KCNT1: variants seen among roughly 807,000 people sequenced by gnomAD.
KCNT1 encodes potassium channel subfamily T member 1.
Under a neutral mutation model 147.8 loss-of-function variants are expected in KCNT1, and 78 were observed. The ratio of observed to expected loss-of-function variants is 0.53; its 90% CI spans 0.44 to 0.64. The LOEUF is 0.64. KCNT1 is among the 30% of genes least tolerant of loss of function. The pLI, the probability that KCNT1 is intolerant of heterozygous loss-of-function variation, is 0.00. For synonymous variants in KCNT1, 867 were observed against 748.8 expected, an observed-to-expected ratio of 1.16 and a Z score of -2.58; for missense variants, 1,419 against 1,750.3, an observed-to-expected ratio of 0.81 and a Z score of 3.38.
intron 13 of KCNT1, among the ~76,000 whole-genome samples, chr9:135,768,275 G>C (rs1318724189): frequency 2.9e-5 from 2 of 68,244 alleles, no homozygotes; most frequent in South Asian, 1.3e-3. Flanking sequence ...ATACCGGTGG[G>C]GGGGGCACAG....
chr9:135,763,554 G>A (rs1443864712), intron 11 of KCNT1, among the ~76,000 whole-genome samples: 1 of 152,132 alleles, frequency 6.6e-6, no homozygotes, highest in Non-Finnish European at 1.5e-5. Flanking sequence ...AGGCCGCTTT[G>A]GGGGAGATTG....
intron 1 of KCNT1, among the ~76,000 whole-genome samples, chr9:135,710,427 C>T (rs920292322): frequency 6.6e-6 from 1 of 152,196 alleles, no homozygotes; most frequent in Non-Finnish European, 1.5e-5. Context: ...TGAAGTTCTC[C>T]GGCCTCCATT....
intron 29 of KCNT1, among the ~76,000 whole-genome samples, chr9:135,788,359 C>T (rs987694135): frequency 1.3e-5 from 2 of 152,254 alleles, no homozygotes; most frequent in African/African-American, 4.8e-5. Context: ...GCGTTGAGGA[C>T]GGGCCTGAGG....
intron 19 of KCNT1, among the ~76,000 whole-genome samples, chr9:135,775,007 T>C (rs1489218510): frequency 6.6e-6 from 1 of 152,120 alleles, no homozygotes; most frequent in Non-Finnish European, 1.5e-5. Context: ...GTCCTTAAGG[T>C]TCGGCACCTG....
intron 2 of KCNT1, among the ~76,000 whole-genome samples, chr9:135,733,326 C>G (rs1271177635): frequency 8.9e-6 from 1 of 112,382 alleles, no homozygotes; most frequent in African/African-American, 3.6e-5. Context: ...GCCAGCACAC[C>G]TGCCCCCACA....
At position 135,771,001 on chromosome 9, in the gene KCNT1, G is replaced by C. The variant is rs1056279495; in HGVS notation, c.1914G>C (p.Lys638Asn). The change falls in exon 18 of 31, where the codon AAG becomes AAC. Residue 638 changes from lysine to asparagine, a missense_variant. By Grantham distance (94) the Lys-to-Asn change is moderately conservative. Transcript: ENST00000371757. ...TKEENSAFIF[K>N]QEEKRKKRAF... ...AGGAGAACTCGGCCTTCATCTTCAA[G>C]CAGGAGGAGAAGCGGAAGAAGAGGG... 6.2e-7 allele frequency: 1 copy of C among 1,613,778 alleles called. No homozygotes were observed. Among genetic ancestry groups the C allele is most frequent in the Non-Finnish European group, 8.5e-7 (1 of 1,179,916 alleles).
intron 15 of KCNT1, 123 bp from the exon 16 acceptor site, chr9:135,769,824 G>T: frequency 1.5e-6 from 1 of 683,182 alleles, no homozygotes. Flanking sequence ...AAGCCGGACA[G>T]CAGACACGGG....
intron 29 of KCNT1, among the ~76,000 whole-genome samples, chr9:135,787,761 C>T (rs11103188): frequency 0.18 from 27,375 of 152,230 alleles, 2,937 homozygotes; most frequent in South Asian, 0.26. Flanking sequence ...CACAGTGTCC[C>T]TGTCCCGGGA....
intron 29 of KCNT1, chr9:135,788,196 C>A (rs757792150): frequency 1.3e-6 from 2 of 1,577,378 alleles, no homozygotes; most frequent in South Asian, 2.2e-5. Context: ...GACCACCGCA[C>A]AACGGGGCTC....
intron 29 of KCNT1, chr9:135,791,041 T>A (rs1834467121): frequency 6.6e-6 from 1 of 152,340 alleles, no homozygotes; most frequent in Non-Finnish European, 1.5e-5. Context: ...GACGCCAGGC[T>A]GTCTCCCATG....
intron 28 of KCNT1, chr9:135,785,845 G>A: frequency 2.3e-6 from 1 of 442,658 alleles, no homozygotes; most frequent in Non-Finnish European, 4.1e-6. Flanking sequence ...CTCAGGGCAA[G>A]GCCAGGATGT....
Position 135,768,352 on chromosome 9 carries a change from G to C in KCNT1, c.1338-258G>C, listed in dbSNP as rs1472429101. 2 of 223,016 alleles carry C rather than the reference G, an allele frequency of 9.0e-6. 1 individual carries two copies. The highest frequency in any genetic ancestry group is 1.5e-4 in the East Asian group (2 of 13,082). 13.8% of individuals were successfully genotyped at this position (223,016 alleles called of 1,614,324 possible). ...GACACTGTGATGTGGGTTGGGGGGG[G>C]GGGGGGCAGTATGGGGATGCCCACT... On this transcript the variant is annotated intron_variant, in intron 13 of 30. Coordinates refer to ENST00000371757, the MANE Select transcript of KCNT1 (RefSeq NM_020822.3).
chr9:135,787,521 G>C (rs548150588), intron 29 of KCNT1, among the ~76,000 whole-genome samples: 1 of 152,278 alleles, frequency 6.6e-6, no homozygotes, highest in South Asian at 2.1e-4. Flanking sequence ...TGCTTCCTGC[G>C]TCTGTCACCT....
At chr9:135,761,716 T>C (rs1333890257) in intron 11 of KCNT1, among the ~76,000 whole-genome samples, 1 of 152,152 alleles carries the variant, frequency 6.6e-6, no homozygotes, top group East Asian at 1.9e-4. Flanking sequence ...TGCAGAGGCG[T>C]TGACCCATCC....
chr9:135,765,305 A>G, intron 12 of KCNT1, 110 bp downstream of exon 12: 1 of 1,076,200 alleles, frequency 9.3e-7, no homozygotes, highest in Non-Finnish European at 1.4e-6. Flanking sequence ...GCCTTGGTTT[A>G]CCCCTTCAGT....
intron 2 of KCNT1, among the ~76,000 whole-genome samples, chr9:135,739,548 A>C (rs1588290380): frequency 6.9e-6 from 1 of 145,818 alleles, no homozygotes; most frequent in Non-Finnish European, 1.5e-5. Flanking sequence ...TGCCCCCCTC[A>C]CCCCGGGCAC....
Position 135,756,952 on chromosome 9 carries a change from G to A in KCNT1, c.600+20G>A. Reference sequence around the variant, plus strand: ...TACAAAGTGAGTGCCTGCCCGGGATGGCACCTCACAGGGGGTCCCCACCCT... The same window carrying A: ...TACAAAGTGAGTGCCTGCCCGGGATAGCACCTCACAGGGGGTCCCCACCCT... On this transcript the variant is annotated intron_variant, in intron 7 of 30. Transcript: ENST00000371757. 1 of 1,609,672 alleles carries A rather than the reference G, an allele frequency of 6.2e-7. No homozygotes were observed. The highest frequency in any genetic ancestry group is 8.5e-7 in the Non-Finnish European group (1 of 1,177,918).
In KCNT1 at chr9:135,795,393, G is replaced by C. The variant is rs184641174; in HGVS notation, c.*3232G>C. On this transcript the variant is annotated 3_prime_UTR_variant, in exon 31 of 31. Transcript: ENST00000371757. ...GGGGAGGTTGAGGCTGCCGTGAGCT[G>C]AGATGGCACCACTGCACTCCAGCCT... The C allele has an allele frequency of 6.6e-6, 1 of 152,338 alleles. No individual in the cohort carries two copies. Among genetic ancestry groups the C allele is most frequent in the East Asian group, 1.9e-4 (1 of 5,194 alleles). 9.4% of individuals were successfully genotyped at this position (152,338 alleles called of 1,614,324 possible).
rs34544308 is a variant in KCNT1, at chr9:135,730,231, TC to T, written c.254+15516del. 6.6e-6 allele frequency among the ~76,000 whole-genome samples: 1 copy of T among 152,110 alleles called. No homozygotes were observed. Among genetic ancestry groups the T allele is most frequent in the East Asian group, 1.9e-4 (1 of 5,184 alleles). On this transcript the variant is annotated intron_variant, in intron 2 of 30. Transcript: ENST00000371757. The surrounding 1 kb of genome is among the most constrained non-coding windows in gnomAD (Gnocchi z 4.7). Reference sequence around the variant, plus strand: ...CAACAAGGAAAGGGGTTCCCTGGACTCCCCCTTCGGAGCATCAGGTGTGGAC... The same window carrying T: ...CAACAAGGAAAGGGGTTCCCTGGACTCCCCTTCGGAGCATCAGGTGTGGAC...
Sources: gnomAD v4.1 joint callset for allele counts (sites outside exome capture counted in the v4.1 genomes callset) on GRCh38, gnomAD v4.1.1 for gene constraint, Gnocchi (gnomAD v3.1) non-coding constraint, MANE v1.5 for transcripts, NCBI Gene and HGNC (gene_info 2026-07-23, HGNC 2026-07-21) for gene names.